The following MND1 variants were observed in gnomAD, a reference collection of about 807,000 sequenced individuals.
MND1 encodes meiotic nuclear divisions 1.
In MND1, 28 loss-of-function variants were observed where a neutral mutation model predicts 35.1. That is an observed-to-expected ratio of 0.80 (90% CI 0.59 to 1.09). MND1 has a LOEUF of 1.09. Among genes scored for constraint, MND1 ranks in the 50% least tolerant of loss-of-function variants. MND1 has a pLI of 0.00. For missense variants in MND1, 213 were observed against 239.6 expected (o/e 0.89, Z 0.73); for synonymous variants, 69 against 70.5 (o/e 0.98, Z 0.11).
chr4:153,395,171 T>A (rs1243774222), intron 5 of MND1, among the ~76,000 whole-genome samples: 1 of 152,250 alleles, frequency 6.6e-6, no homozygotes, highest in African/African-American at 2.4e-5. Context: ...AGAATAGTCA[T>A]TTCTGAAGAA....
upstream of MND1, chr4:153,344,652 C>G (rs755345156): frequency 3.2e-6 from 4 of 1,258,262 alleles, no homozygotes; most frequent in South Asian, 2.8e-5. Flanking sequence ...GCGGCGTAGT[C>G]GGCGCCAAAA....
intron 7 of MND1, among the ~76,000 whole-genome samples, chr4:153,410,810 A>G (rs1206381667): frequency 1.3e-5 from 2 of 152,016 alleles, no homozygotes; most frequent in Non-Finnish European, 1.5e-5. Context: ...GGCCAACATG[A>G]TGAAACACTG....
At chr4:153,350,307 C>A (rs1469256205) in intron 2 of MND1, among the ~76,000 whole-genome samples, 178 bp downstream of exon 2, 1 of 152,062 alleles carries the variant, frequency 6.6e-6, no homozygotes, top group African/African-American at 2.4e-5. Flanking sequence ...AAAACCATAT[C>A]CCACTGTTGG....
rs572348405 is a variant in MND1 at position 153,346,501 on chromosome 4, CAT to C, written c.3+1762_3+1763del. ...CTTAATTAAATATTAGATAAATCCT[CAT>C]TGATTTTTTTGAGAAGTTTCTAAAT... On this transcript the variant is annotated intron_variant, in intron 1 of 7. Coordinates refer to ENST00000240488, the MANE Select transcript of MND1 (RefSeq NM_032117.4). Among the ~76,000 whole-genome samples, 22 of 152,268 alleles carry C rather than the reference CAT, an allele frequency of 1.4e-4. No homozygotes were observed. In the East Asian group the frequency reaches 4.2e-3, roughly 29 times the overall value.
intron 4 of MND1, among the ~76,000 whole-genome samples, chr4:153,373,803 C>T (rs1728396362): frequency 6.6e-6 from 1 of 152,268 alleles, no homozygotes; most frequent in East Asian, 1.9e-4. Flanking sequence ...TTGGCATTTG[C>T]TATAGATAAC....
At chr4:153,379,056 A>G (rs1170416236) in intron 4 of MND1, among the ~76,000 whole-genome samples, 2 of 152,122 alleles carry the variant, frequency 1.3e-5, no homozygotes, top group Admixed American at 6.5e-5. Context: ...TGGGAGGCCT[A>G]GGTGGGTGGA....
At chr4:153,398,851 T>C (rs1729269755) in intron 6 of MND1, among the ~76,000 whole-genome samples, 1 of 152,088 alleles carries the variant, frequency 6.6e-6, no homozygotes, top group South Asian at 2.1e-4. Context: ...AACAGGAGAG[T>C]ACCTCACAGG....
In MND1 at chr4:153,379,634, G is replaced by A. The variant is rs373549509; in HGVS notation, c.277-14628G>A. Among the ~76,000 whole-genome samples the A allele has an allele frequency of 4.2e-3, 644 of 151,804 alleles. 7 individuals are homozygous for A. Among genetic ancestry groups the A allele is most frequent in the African/African-American group, 0.015 (612 of 41,444 alleles). ...TGGGAGGCTGAGATGGGTGGATCAC[G>A]AGGTCAGGAGTTCGAAACCAGCCTG... On this transcript the variant is annotated intron_variant, in intron 4 of 7. Coordinates refer to ENST00000240488, the MANE Select transcript of MND1 (RefSeq NM_032117.4).
At chr4:153,364,493 G>A (rs1156298619) in intron 4 of MND1, among the ~76,000 whole-genome samples, 1 of 151,320 alleles carries the variant, frequency 6.6e-6, no homozygotes, top group African/African-American at 2.4e-5. Context: ...CTGCAGGTTA[G>A]GCCACAGAGT....
At chr4:153,360,519 A>G (rs938442166) in intron 4 of MND1, among the ~76,000 whole-genome samples, 1 of 151,790 alleles carries the variant, frequency 6.6e-6, no homozygotes, top group Non-Finnish European at 1.5e-5. Context: ...GTGTGTCTAA[A>G]TTCAATTTTT....
intron 6 of MND1, among the ~76,000 whole-genome samples, chr4:153,398,190 T>C (rs1333899512): frequency 6.6e-6 from 1 of 152,156 alleles, no homozygotes; most frequent in African/African-American, 2.4e-5. Context: ...ATGTGAATAT[T>C]TAAGGAGATA....
intron 4 of MND1, among the ~76,000 whole-genome samples, chr4:153,378,678 A>G (rs1383112052): frequency 6.6e-6 from 1 of 152,226 alleles, no homozygotes; most frequent in African/African-American, 2.4e-5. Flanking sequence ...CAGAGCTGAC[A>G]TATATTCTAT....
chr4:153,346,981 A>T (rs901698867), intron 1 of MND1, among the ~76,000 whole-genome samples: 1 of 152,214 alleles, frequency 6.6e-6, no homozygotes, highest in African/African-American at 2.4e-5. Context: ...ACCCTGGGGC[A>T]CAATTAAAAA....
chr4:153,404,931 C>G (rs548857816), intron 6 of MND1, among the ~76,000 whole-genome samples: 3 of 152,014 alleles, frequency 2.0e-5, no homozygotes, highest in South Asian at 4.2e-4. Context: ...GACGGGGTCC[C>G]ACTATGTTAG....
chr4:153,365,529 G>A (rs1343298427), intron 4 of MND1, among the ~76,000 whole-genome samples: 2 of 151,964 alleles, frequency 1.3e-5, no homozygotes, highest in African/African-American at 4.8e-5. Flanking sequence ...AAGTTACAGT[G>A]GTTTTTTTAT....
intron 5 of MND1, among the ~76,000 whole-genome samples, chr4:153,396,492 G>A (rs747734103): frequency 7.2e-5 from 11 of 152,104 alleles, no homozygotes; most frequent in South Asian, 2.1e-4. Context: ...ATTTTGCCTC[G>A]GATTTATCCT....
chr4:153,357,142 A>AT (rs1293020604), intron 3 of MND1, among the ~76,000 whole-genome samples: 2 of 152,092 alleles, frequency 1.3e-5, no homozygotes, highest in Admixed American at 6.6e-5. Flanking sequence ...ACATTGATGT[A>AT]TTTTTTGTGT....
At chr4:153,393,427 A>G (rs149516840) in intron 4 of MND1, among the ~76,000 whole-genome samples, 1,659 of 146,762 alleles carry the variant, frequency 0.011, 11 homozygotes, top group Middle Eastern at 0.014. Flanking sequence ...CTGGAGTGCA[A>G]TGGGGTTATC....
At chr4:153,413,249 A>C (rs1561083684) in intron 7 of MND1, among the ~76,000 whole-genome samples, 1 of 152,232 alleles carries the variant, frequency 6.6e-6, no homozygotes, top group Non-Finnish European at 1.5e-5. Context: ...TTACTTCATT[A>C]TCACTACTAA....
Sources: gnomAD v4.1 joint callset for allele counts (sites outside exome capture counted in the v4.1 genomes callset) on GRCh38, gnomAD v4.1.1 for gene constraint, MANE v1.5 for transcripts, NCBI Gene and HGNC (gene_info 2026-07-23, HGNC 2026-07-21) for gene names.